Variants in GRIN2B observed in about 807,000 individuals in gnomAD.
GRIN2B encodes glutamate receptor ionotropic, NMDA 2B.
A neutral mutation model predicts 114.5 loss-of-function variants in GRIN2B; 5 were observed. The ratio of observed to expected loss-of-function variants is 0.04; its 90% CI spans 0.02 to 0.09. The LOEUF (loss-of-function observed/expected upper bound fraction) is 0.09, where lower values mean the gene tolerates loss of function less well. GRIN2B is among the 10% of genes least tolerant of loss of function. GRIN2B has a pLI of 1.00. For missense variants in GRIN2B, 1,108 were observed against 1,943.5 expected, an observed-to-expected ratio of 0.57 and a Z score of 8.08; for synonymous variants, 787 against 745.1, an observed-to-expected ratio of 1.06 and a Z score of -0.92.
chr12:13,789,450 G>T (rs1179155887), intron 3 of GRIN2B, among the ~76,000 whole-genome samples: 1 of 152,096 alleles, frequency 6.6e-6, no homozygotes, highest in Non-Finnish European at 1.5e-5. Context: ...GCATCCCCTG[G>T]GCAAGTTTTC....
intron 5 of GRIN2B, among the ~76,000 whole-genome samples, chr12:13,629,046 G>C (rs1949596379): frequency 6.6e-6 from 1 of 152,118 alleles, no homozygotes; most frequent in South Asian, 2.1e-4. Flanking sequence ...AAAAAGGCTT[G>C]AAGGATCTGT....
chr12:13,655,209 A>G lies in GRIN2B; in HGVS notation c.1125+20536T>C, dbSNP rs961346446. On this transcript the variant is annotated intron_variant, in intron 5 of 13. Transcript: ENST00000609686. The stretch of plus-strand genomic sequence containing the variant: ...ACAAGATTACCCAAAGGCATTCAAA[A>G]GCCGTAAAATTCTTATACTTCTTTC... Among the ~76,000 whole-genome samples, 14 of 152,122 alleles carry G rather than the reference A, an allele frequency of 9.2e-5. 1 individual carries two copies. Among genetic ancestry groups the G allele is most frequent in the Admixed American group, 9.2e-4 (14 of 15,264 alleles).
rs1454922552 is a variant in GRIN2B at position 13,540,631 on chromosome 12, GA to G, written c.*22151del. ...AAACACCAAAATCCAAGAGAGAAAG[GA>G]AAAAATAAAAAGACCCAGTCATCCG... is the stretch of plus-strand genomic sequence containing the variant. On this transcript the variant is annotated 3_prime_UTR_variant, in exon 14 of 14. Transcript: ENST00000609686. 8 of 150,852 alleles carry G rather than the reference GA, an allele frequency of 5.3e-5. No individual in the cohort carries two copies. In the East Asian group the frequency reaches 1.6e-3, roughly 29 times the overall value. 9.3% of individuals were successfully genotyped at this position (150,852 alleles called of 1,614,324 possible).
At chr12:13,957,450 C>T (rs1867612596) in intron 2 of GRIN2B, among the ~76,000 whole-genome samples, 1 of 152,058 alleles carries the variant, frequency 6.6e-6, no homozygotes, top group African/African-American at 2.4e-5. Flanking sequence ...ACAGAAGCAC[C>T]CAATGAACTC....
At chr12:13,735,339 C>T (rs979497299) in intron 4 of GRIN2B, among the ~76,000 whole-genome samples, 2 of 152,270 alleles carry the variant, frequency 1.3e-5, no homozygotes, top group Non-Finnish European at 2.9e-5. Flanking sequence ...TCATCCAATG[C>T]GATGACTAGA....
At chr12:13,790,752 G>A (rs1864306540) in intron 3 of GRIN2B, among the ~76,000 whole-genome samples, 1 of 152,168 alleles carries the variant, frequency 6.6e-6, no homozygotes, top group South Asian at 2.1e-4. Context: ...TTAGAAAGGA[G>A]GCCCACTCTT....
chr12:13,607,148 AAAAATATATATATATAT>A (rs1287295536), intron 10 of GRIN2B, among the ~76,000 whole-genome samples: 7 of 128,188 alleles, frequency 5.5e-5, no homozygotes, highest in Non-Finnish European at 1.1e-4. Flanking sequence ...TGCACTCAAA[AAAAATATATATATATAT>A]AAAAAATATA....
chr12:13,735,719 T>G (rs1427213116), intron 4 of GRIN2B, among the ~76,000 whole-genome samples: 2 of 152,192 alleles, frequency 1.3e-5, no homozygotes, highest in Non-Finnish European at 2.9e-5. Context: ...TCTTATTTAT[T>G]TCTGAAATCC....
At chr12:13,980,562 G>C (rs764017334) in intron 1 of GRIN2B, among the ~76,000 whole-genome samples, 11 of 152,034 alleles carry the variant, frequency 7.2e-5, no homozygotes, top group Non-Finnish European at 1.5e-4. Context: ...ACCATTCCTG[G>C]GACAGGCACG....
At chr12:13,717,290 G>T (rs532408680) in intron 4 of GRIN2B, among the ~76,000 whole-genome samples, 9 of 151,702 alleles carry the variant, frequency 5.9e-5, no homozygotes, top group African/African-American at 1.9e-4. Context: ...CAGAAAACAG[G>T]CAATTCTGGG....
At chr12:13,693,616 G>A (rs918888714) in intron 4 of GRIN2B, among the ~76,000 whole-genome samples, 2 of 152,070 alleles carry the variant, frequency 1.3e-5, no homozygotes, top group Non-Finnish European at 2.9e-5. Context: ...TTAAAAATAT[G>A]GATTCCTGGG....
intron 3 of GRIN2B, among the ~76,000 whole-genome samples, chr12:13,858,196 GAT>G (rs1166775267): frequency 6.6e-6 from 1 of 152,130 alleles, no homozygotes; most frequent in East Asian, 1.9e-4. Flanking sequence ...AAATATATAA[GAT>G]GACTAGCTCA....
intron 10 of GRIN2B, among the ~76,000 whole-genome samples, chr12:13,591,328 G>T (rs569609029): frequency 5.6e-4 from 85 of 152,328 alleles, no homozygotes; most frequent in African/African-American, 2.0e-3. Flanking sequence ...GGCTTTGTGA[G>T]CTGGGTTTAG....
intron 2 of GRIN2B, among the ~76,000 whole-genome samples, chr12:13,932,952 CGTGTGTGTGTGTGTGT>C (rs5796568): frequency 6.7e-6 from 1 of 148,698 alleles, no homozygotes; most frequent in Non-Finnish European, 1.5e-5. Flanking sequence ...AGGGCTTTGT[CGTGTGTGTGTGTGTGT>C]GTGTGTGTGT....
intron 4 of GRIN2B, among the ~76,000 whole-genome samples, chr12:13,679,488 C>T (rs1950108633): frequency 6.6e-6 from 1 of 152,176 alleles, no homozygotes; most frequent in Admixed American, 6.6e-5. Context: ...CCTCCTCTTC[C>T]AGCTCTAAGT....
In GRIN2B at chr12:13,661,883, G is replaced by A. The variant is rs555592004; in HGVS notation, c.1125+13862C>T. ...AATCTTTAAATATACCTTTTAGGCCGTATAGAACATGTCGATGGCCCAAAA... is the reference window on the plus strand; with the variant it reads ...AATCTTTAAATATACCTTTTAGGCCATATAGAACATGTCGATGGCCCAAAA... On this transcript the variant is annotated intron_variant, in intron 5 of 13. Transcript: ENST00000609686. 1.3e-4 allele frequency among the ~76,000 whole-genome samples: 20 copies of A among 152,210 alleles called. No individual in the cohort carries two copies. In the South Asian group the frequency reaches 2.7e-3, roughly 21 times the overall value.
intron 3 of GRIN2B, among the ~76,000 whole-genome samples, chr12:13,844,307 T>C (rs537239096): frequency 2.0e-5 from 3 of 152,316 alleles, no homozygotes; most frequent in African/African-American, 7.2e-5. Context: ...CATTCCTCTG[T>C]ATGGGCCTAT....
intron 5 of GRIN2B, among the ~76,000 whole-genome samples, chr12:13,658,345 TCTCTA>T (rs1949887953): frequency 6.6e-6 from 1 of 152,182 alleles, no homozygotes; most frequent in South Asian, 2.1e-4. Context: ...TTCATGCTCT[TCTCTA>T]ATTAACTTTT....
chr12:13,713,052 T>C (rs1950427670), intron 4 of GRIN2B, among the ~76,000 whole-genome samples: 1 of 151,892 alleles, frequency 6.6e-6, no homozygotes, highest in South Asian at 2.1e-4. Context: ...CCACCAAGCA[T>C]AAGATGAGAT....
Sources: allele counts gnomAD v4.1 joint callset (sites outside exome capture counted in the v4.1 genomes callset), GRCh38; gene constraint gnomAD v4.1.1; transcripts MANE v1.5; gene names NCBI Gene and HGNC (gene_info 2026-07-23, HGNC 2026-07-21).